Variants in SMARCA2 observed in about 807,000 individuals in gnomAD.
The protein encoded by SMARCA2 is SWI/SNF-related matrix-associated actin-dependent regulator of chromatin subfamily A member 2.
SMARCA2 carries 61 observed loss-of-function variants against 199.8 expected under a neutral mutation model. The ratio of observed to expected loss-of-function variants is 0.31; its 90% confidence interval spans 0.25 to 0.38. SMARCA2 has a LOEUF of 0.38. Among genes scored for constraint, SMARCA2 ranks in the 10% least tolerant of loss-of-function variants. The pLI, the probability that SMARCA2 is intolerant of heterozygous loss-of-function variation, is 1.00. For missense variants in SMARCA2, 1,344 were observed against 2,012.2 expected (o/e 0.67, Z 6.35); for synonymous variants, 935 against 732.0 (o/e 1.28, Z -4.48).
chr9:2,160,101 G>A (rs1244955591), intron 27 of SMARCA2: 4 of 674,506 alleles, frequency 5.9e-6, no homozygotes, highest in African/African-American at 5.4e-5. Flanking sequence ...CAGCCTCCAA[G>A]ATATGCGGGA....
intron 4 of SMARCA2, chr9:2,044,970 C>T (rs940573713): frequency 6.6e-6 from 1 of 152,136 alleles, no homozygotes; most frequent in Non-Finnish European, 1.5e-5. Flanking sequence ...GAAAGATATG[C>T]TTTGGGTACC....
At chr9:2,097,209 T>C in intron 20 of SMARCA2, 176 bp from the exon 21 acceptor site, 1 of 543,794 alleles carries the variant, frequency 1.8e-6, no homozygotes, top group Non-Finnish European at 3.3e-6. Context: ...AAGAAAGACA[T>C]TATGTCTAAC....
chr9:2,185,708 G>A (rs761496432), intron 31 of SMARCA2, among the ~76,000 whole-genome samples: 2 of 152,168 alleles, frequency 1.3e-5, no homozygotes, highest in Non-Finnish European at 2.9e-5. Flanking sequence ...ATAAGGAATA[G>A]CCCCCACTTG....
intron 12 of SMARCA2, 68 bp downstream of exon 12, chr9:2,073,691 T>C: frequency 8.2e-7 from 1 of 1,221,418 alleles, no homozygotes; most frequent in Non-Finnish European, 1.2e-6. Context: ...TCTTCCTGAA[T>C]GTAAGCCCGG....
chr9:2,138,727 C>G (rs1824324808), intron 27 of SMARCA2, among the ~76,000 whole-genome samples: 1 of 152,130 alleles, frequency 6.6e-6, no homozygotes, highest in Non-Finnish European at 1.5e-5. Flanking sequence ...TTCCCTGTCT[C>G]TACATTGGAG....
chr9:2,058,438 G>A lies in SMARCA2; in HGVS notation c.1495G>A (p.Glu499Lys), dbSNP rs1313268883. 6.2e-7 allele frequency: 1 copy of A among 1,614,144 alleles called. No homozygotes were observed. Among genetic ancestry groups the A allele is most frequent in the Admixed American group, 1.7e-5 (1 of 60,024 alleles). ...GCAGAAGAAGGAGACAGAGCGGATT[G>A]AAAAGGAGAGAATGCGGCGACTGAT... ...REQKKETERI[E>K]KERMRRLMAE... is the part of the protein sequence containing the mutation. Residue 499 changes from glutamate to lysine, a missense_variant, in exon 8 of 34, where the codon GAA becomes AAA. By Grantham distance (56) the Glu-to-Lys change is moderately conservative (BLOSUM62 1). Around this residue, in one of 18 missense-constraint regions of SMARCA2, gnomAD observed 155 missense variants for 260.0 expected, o/e 0.60. Transcript: ENST00000349721.
At chr9:2,188,859 A>G (rs190885140) in intron 32 of SMARCA2, among the ~76,000 whole-genome samples, 2 of 152,324 alleles carry the variant, frequency 1.3e-5, no homozygotes, top group East Asian at 1.9e-4. Context: ...TCGTAGAAAC[A>G]AAGTTCCCAC....
At chr9:2,117,808 G>T (rs936063660) in intron 25 of SMARCA2, among the ~76,000 whole-genome samples, 28 of 152,172 alleles carry the variant, frequency 1.8e-4, no homozygotes, top group Admixed American at 3.9e-4. Context: ...TGAGGCTCCT[G>T]TCCCTTCTTG....
chr9:2,144,677 G>A (rs74651398), intron 27 of SMARCA2, among the ~76,000 whole-genome samples: 4,220 of 152,200 alleles, frequency 0.028, 211 homozygotes, highest in African/African-American at 0.097. Flanking sequence ...AAAGAGCCCC[G>A]TCTCCAGGAT....
At chr9:2,080,162 A>G (rs1422507710) in intron 14 of SMARCA2, 1 of 152,186 alleles carries the variant, frequency 6.6e-6, no homozygotes, top group Non-Finnish European at 1.5e-5. Context: ...TCCATGAGTA[A>G]GCTTTCTATC....
chr9:2,086,822 G>A lies in SMARCA2; in HGVS notation c.2527-7G>A. The A allele has an allele frequency of 6.2e-7, 1 of 1,614,028 alleles. No individual in the cohort carries two copies. Among genetic ancestry groups the A allele is most frequent in the East Asian group, 2.2e-5 (1 of 44,876 alleles). On this transcript the variant is annotated splice_polypyrimidine_tract_variant and splice_region_variant and intron_variant, in intron 17 of 33. Transcript: ENST00000349721. This position sits in a 1 kb window ranked among gnomAD's most constrained non-coding sequence, Gnocchi z 4.3. ...ACTACACGTCCGTCCTTCCTCTTGT[G>A]TTATAGATTCGGTGGAAATACATGA...
chr9:2,128,812 C>G (rs1022455445), intron 27 of SMARCA2, among the ~76,000 whole-genome samples: 7 of 152,184 alleles, frequency 4.6e-5, no homozygotes, highest in African/African-American at 1.4e-4. Context: ...CACTCAGTCT[C>G]TGCCTCCAAA....
In SMARCA2 at chr9:2,016,679, G is replaced by C. The variant is rs1400183630; in HGVS notation, c.-37+1275G>C. Among the ~76,000 whole-genome samples the C allele has an allele frequency of 2.0e-5, 3 of 151,860 alleles. No homozygotes were observed. Among genetic ancestry groups the C allele is most frequent in the Non-Finnish European group, 4.4e-5 (3 of 67,904 alleles). On this transcript the variant is annotated intron_variant, in intron 1 of 33. Transcript: ENST00000349721. This position sits in a 1 kb window ranked among gnomAD's most constrained non-coding sequence, Gnocchi z 5.6. ...GGGCTGCGGTGGGGAGGGAATAGGGGGGTGGCGAGGGCGGGAGGCGGGGAG... is the reference window on the plus strand; with the variant it reads ...GGGCTGCGGTGGGGAGGGAATAGGGCGGTGGCGAGGGCGGGAGGCGGGGAG...
chr9:2,076,249 T>C lies in SMARCA2; in HGVS notation c.1956T>C (p.Ser652=), dbSNP rs1176352085. The C allele has an allele frequency of 1.2e-6, 2 of 1,607,258 alleles. No homozygotes were observed. Among genetic ancestry groups the C allele is most frequent in the Non-Finnish European group, 1.7e-6 (2 of 1,173,768 alleles). ...TCCAGGATGAGGAAGAAGAGTCCAG[T>C]AGGCAGGAAACCGAAGAGAAAATAC... ...YEEEDEEEES[S]RQETEEKILL... is the part of the protein sequence containing the mutation. Residue 652 remains serine (S), a synonymous_variant, in exon 13 of 34, where the codon AGT becomes AGC. Coordinates refer to ENST00000349721, the MANE Select transcript of SMARCA2 (RefSeq NM_003070.5).
intron 4 of SMARCA2, chr9:2,042,308 C>T (rs1819640797): frequency 6.6e-6 from 1 of 152,166 alleles, no homozygotes; most frequent in African/African-American, 2.4e-5. Flanking sequence ...AACTTGAACT[C>T]CCAAAAGGTA....
At position 2,058,673 on chromosome 9, in the gene SMARCA2, G is replaced by A. The variant is rs946600481; in HGVS notation, c.1521+209G>A. ...AAAAATCTAGGGGGATGACTGATGC[G>A]TATAGTATTTCTGTGTCCTGGGGTG... is the stretch of plus-strand genomic sequence containing the variant. On this transcript the variant is annotated intron_variant, in intron 8 of 33. Coordinates refer to ENST00000349721, the MANE Select transcript of SMARCA2 (RefSeq NM_003070.5). Among the ~76,000 whole-genome samples the A allele has an allele frequency of 2.6e-5, 4 of 152,244 alleles. No homozygotes were observed. In the South Asian group the frequency reaches 8.3e-4, roughly 32 times the overall value.
rs888784299 is a variant in SMARCA2 at position 2,119,853 on chromosome 9, G to C, written c.3762+318G>C. 5.9e-5 allele frequency among the ~76,000 whole-genome samples: 9 copies of C among 152,214 alleles called. No individual in the cohort carries two copies. The highest frequency in any genetic ancestry group is 5.2e-4 in the Admixed American group (8 of 15,290). On this transcript the variant is annotated intron_variant, in intron 26 of 33. Transcript: ENST00000349721. The surrounding 1 kb of genome is among the most constrained non-coding windows in gnomAD (Gnocchi z 4.6). ...AACAGTTGGCCAGGGCTGAGTAGCA[G>C]CTGCACTCTCTGGACAGGCCTCGCG...
At chr9:2,192,442 A>C in intron 33 of SMARCA2, 1 of 473,232 alleles carries the variant, frequency 2.1e-6, no homozygotes, top group South Asian at 2.6e-5. Flanking sequence ...ATTAGCCATA[A>C]ACCTTTCAAG....
rs1256201273 is a variant in SMARCA2, at chr9:2,103,661, T to TGTGAGAGA, written c.3126-341_3126-340insTGAGAGAG. Among the ~76,000 whole-genome samples, 995 of 142,310 alleles carry TGTGAGAGA rather than the reference T, an allele frequency of 7.0e-3. 9 individuals are homozygous for TGTGAGAGA. Among genetic ancestry groups the TGTGAGAGA allele is most frequent in the African/African-American group, 0.026 (945 of 36,338 alleles). 93.4% of individuals were successfully genotyped at this position (142,310 alleles called of 152,430 possible). A position where few individuals can be genotyped will look rare whatever the true frequency, so the allele number is the denominator to read the frequency against. On this transcript the variant is annotated intron_variant, in intron 22 of 33. Coordinates refer to ENST00000349721, the MANE Select transcript of SMARCA2 (RefSeq NM_003070.5). ...GTGTGTACGTGTGTGTGTGTGTGTG[T>TGTGAGAGA]GAGAGAGAGAGAGAGAGAGAGAGAG...
Sources: gnomAD v4.1 joint callset for allele counts (sites outside exome capture counted in the v4.1 genomes callset) on GRCh38, gnomAD v4.1.1 for gene constraint, gnomAD v4.1.1 regional missense constraint, Gnocchi (gnomAD v3.1) non-coding constraint, MANE v1.5 for transcripts, NCBI Gene and HGNC (gene_info 2026-07-23, HGNC 2026-07-21) for gene names.